Variants in ARHGEF25 observed in about 807,000 individuals in gnomAD.
ARHGEF25 encodes the protein Rho guanine nucleotide exchange factor 25.
ARHGEF25 carries 42 observed loss-of-function variants against 74.0 expected under a neutral mutation model. The ratio of observed to expected loss-of-function variants is 0.57; its 90% CI spans 0.44 to 0.73. The LOEUF (loss-of-function observed/expected upper bound fraction) is 0.73, where lower values mean the gene tolerates loss of function less well. Ranked by LOEUF, ARHGEF25 falls within the 30% of genes least tolerant of loss-of-function variation. ARHGEF25 has a pLI of 0.00. For synonymous variants in ARHGEF25, 293 were observed against 278.6 expected (o/e 1.05, Z -0.51); for missense variants, 645 against 725.5 (o/e 0.89, Z 1.27).
intron 14 of ARHGEF25, 143 bp from the exon 15 acceptor site, chr12:57,616,641 T>A: frequency 1.0e-6 from 1 of 1,002,266 alleles, no homozygotes; most frequent in Non-Finnish European, 1.5e-6. Flanking sequence ...CCCTCTATTT[T>A]AACTCTGGAG....
Position 57,614,093 on chromosome 12 carries a change from C to G in ARHGEF25, c.630C>G (p.Ile210Met). ...RGRDRIVFGNIQQIYEWHRDY... is the reference protein window; with the variant it reads ...RGRDRIVFGNMQQIYEWHRDY... Reference sequence around the variant, plus strand: ...GTGACAGGATTGTGTTTGGGAATATCCAGCAAATCTATGAGTGGCACCGAG... The same window carrying G: ...GTGACAGGATTGTGTTTGGGAATATGCAGCAAATCTATGAGTGGCACCGAG... The change falls in exon 6 of 15, where the codon ATC becomes ATG. Residue 210 changes from isoleucine to methionine, a missense_variant. Physicochemically the swap from Ile to Met is conservative, Grantham distance 10. Transcript: ENST00000286494. This position sits in a 1 kb window ranked among gnomAD's most constrained non-coding sequence, Gnocchi z 4.6. The G allele has an allele frequency of 6.2e-7, 1 of 1,614,050 alleles. No homozygotes were observed. The highest frequency in any genetic ancestry group is 8.5e-7 in the Non-Finnish European group (1 of 1,180,004).
chr12:57,615,632 A>G lies in ARHGEF25; in HGVS notation c.1159A>G (p.Ile387Val). The G allele has an allele frequency of 6.2e-7, 1 of 1,614,116 alleles. No individual in the cohort carries two copies. The highest frequency in any genetic ancestry group is 1.1e-5 in the South Asian group (1 of 91,072). ...RERRVFLFEQ[I>V]IIFSEALGGG... Reference sequence around the variant, plus strand: ...GAGGCGCGTCTTCCTCTTTGAGCAAATCATCATCTTCAGTGAAGCCCTGGG... The same window carrying G: ...GAGGCGCGTCTTCCTCTTTGAGCAAGTCATCATCTTCAGTGAAGCCCTGGG... Residue 387 changes from isoleucine (I) to valine (V), a missense_variant, in exon 12 of 15, where the codon ATC (isoleucine) becomes GTC (valine). This residue lies in a region of ARHGEF25 where 262 missense variants were observed against 256.9 expected (regional missense o/e 1.02). Coordinates refer to ENST00000286494, the MANE Select transcript of ARHGEF25 (RefSeq NM_182947.4).
In ARHGEF25 at chr12:57,615,690, A is replaced by G; in HGVS notation, c.1217A>G (p.Tyr406Cys). 1 of 1,614,146 alleles carries G rather than the reference A, an allele frequency of 6.2e-7. No individual in the cohort carries two copies. The highest frequency in any genetic ancestry group is 8.5e-7 in the Non-Finnish European group (1 of 1,180,016). Residue 406 changes from tyrosine (Y) to cysteine (C), a missense_variant, in exon 12 of 15, where the codon TAT (tyrosine) becomes TGT (cysteine). By Grantham distance (194) the Tyr-to-Cys change is radical. Around this residue, in one of 3 missense-constraint regions of ARHGEF25, gnomAD observed 262 missense variants for 256.9 expected, o/e 1.02. Coordinates refer to ENST00000286494, the MANE Select transcript of ARHGEF25 (RefSeq NM_182947.4). ...GTGAGAGGTGGAACACAGCCTGGAT[A>G]TGTATACAAGAACAGCATTAAGGTG... The part of the protein sequence containing the change: ...GGVRGGTQPG[Y>C]VYKNSIKVSC...
At chr12:57,615,802 G>A (rs751495536) in intron 12 of ARHGEF25, 35 bp from the exon 13 acceptor site, 55 of 1,612,400 alleles carry the variant, frequency 3.4e-5, no homozygotes, top group Admixed American at 8.3e-5. Context: ...GAGGGCCTGA[G>A]GAATCTGGGG....
rs1884297820 is a variant in ARHGEF25, at chr12:57,616,514, C to A, written c.1632+19C>A. On this transcript the variant is annotated intron_variant, in intron 14 of 14. Transcript: ENST00000286494. ...TAAACAGGTATGACGAATAGAGCTC[C>A]CTCATTGTAGGGATAAAAAGGGGAG... 1 of 1,608,862 alleles carries A rather than the reference C, an allele frequency of 6.2e-7. No individual in the cohort carries two copies. Among genetic ancestry groups the A allele is most frequent in the Non-Finnish European group, 8.5e-7 (1 of 1,177,252 alleles).
intron 1 of ARHGEF25, chr12:57,612,694 C>T (rs1884103104): frequency 1.4e-6 from 2 of 1,404,936 alleles, no homozygotes; most frequent in Admixed American, 5.6e-5. Context: ...GGAACCTCCA[C>T]ATGTAACTGG....
chr12:57,616,731 G>A (rs1193912100), intron 14 of ARHGEF25, 53 bp from the exon 15 acceptor site: 1 of 1,308,630 alleles, frequency 7.6e-7, no homozygotes, highest in African/African-American at 1.5e-5. Context: ...AAAGAGAGAA[G>A]TGAGGGTAGA....
At position 57,611,787 on chromosome 12, in the gene ARHGEF25, G is replaced by A. The variant is rs540073741; in HGVS notation, c.-108G>A. ...CTCCCCCCCTCCCACAGCCTGGACC[G>A]GGGTAGGAGGGAGGGGGGGTGTGCG... On this transcript the variant is annotated 5_prime_UTR_variant, in exon 1 of 15. Coordinates refer to ENST00000286494, the MANE Select transcript of ARHGEF25 (RefSeq NM_182947.4). The surrounding 1 kb of genome is among the most constrained non-coding windows in gnomAD (Gnocchi z 4.5). 1.3e-3 allele frequency: 1,490 copies of A among 1,135,182 alleles called. 47 individuals are homozygous for A. In the East Asian group the frequency reaches 0.047, roughly 35 times the overall value. The allele number at this position is 1,135,182 out of a possible 1,614,324, so 70.3% of individuals were successfully genotyped here. A position where few individuals can be genotyped will look rare whatever the true frequency, so the allele number is the denominator to read the frequency against.
At chr12:57,613,795 C>G (rs1251258128) in intron 5 of ARHGEF25, 35 bp downstream of exon 5, 1 of 1,609,242 alleles carries the variant, frequency 6.2e-7, no homozygotes, top group East Asian at 2.2e-5. Flanking sequence ...CCCCTCCTGC[C>G]TGCTTTTCCA....
Position 57,611,482 on chromosome 12 carries a change from G to C in ARHGEF25, c.-413G>C. ...GACCCGCACAGCGCCAGTGGCTCGGGGGTCGGCCCTCGCCTCCTCCCCGGC... is the reference window on the plus strand; with the variant it reads ...GACCCGCACAGCGCCAGTGGCTCGGCGGTCGGCCCTCGCCTCCTCCCCGGC... On this transcript the variant is annotated 5_prime_UTR_variant, in exon 1 of 15. Coordinates refer to ENST00000286494, the MANE Select transcript of ARHGEF25 (RefSeq NM_182947.4). This position sits in a 1 kb window ranked among gnomAD's most constrained non-coding sequence, Gnocchi z 4.5. 1.0e-6 allele frequency: 1 copy of C among 985,608 alleles called. No homozygotes were observed. Among genetic ancestry groups the C allele is most frequent in the Non-Finnish European group, 1.2e-6 (1 of 830,170 alleles). The allele number at this position is 985,608 out of a possible 1,614,324, so 61.1% of individuals were successfully genotyped here. A position where few individuals can be genotyped will look rare whatever the true frequency, so the allele number is the denominator to read the frequency against.
At position 57,612,685 on chromosome 12, in the gene ARHGEF25, GA is replaced by G; in HGVS notation, c.98-243del. The G allele has an allele frequency of 3.6e-6, 5 of 1,381,002 alleles. No homozygotes were observed. The South Asian group carries it at 8.7e-5, about 24-fold the overall frequency. 85.5% of individuals were successfully genotyped at this position (1,381,002 alleles called of 1,614,324 possible). On this transcript the variant is annotated intron_variant, in intron 1 of 14. Coordinates refer to ENST00000286494, the MANE Select transcript of ARHGEF25 (RefSeq NM_182947.4). Reference sequence around the variant, plus strand: ...ATCTATGCTATGCTCAGGATATGGGGAACCTCCACATGTAACTGGGGGTTCC... The same window carrying G: ...ATCTATGCTATGCTCAGGATATGGGGACCTCCACATGTAACTGGGGGTTCC...
At chr12:57,610,575 A>G (rs1389268481), upstream of ARHGEF25, 4 of 1,608,610 alleles carry the variant, frequency 2.5e-6, no homozygotes, top group Middle Eastern at 1.7e-4. Context: ...CGCAGCCCCC[A>G]AGGAGAAGCC....
rs202200912 is a variant in ARHGEF25 at position 57,614,164 on chromosome 12, C to T, written c.656+45C>T. On this transcript the variant is annotated intron_variant, in intron 6 of 14. Coordinates refer to ENST00000286494, the MANE Select transcript of ARHGEF25 (RefSeq NM_182947.4). This position sits in a 1 kb window ranked among gnomAD's most constrained non-coding sequence, Gnocchi z 4.6. ...CAGCTAGGTGCTGGAGAGGGGCCCT[C>T]ATCTGGTTGTCCTGTATCCTAACAT... The T allele has an allele frequency of 1.1e-5, 18 of 1,605,414 alleles. No homozygotes were observed. In the Admixed American group the frequency reaches 2.8e-4, roughly 25 times the overall value.
chr12:57,614,998 T>C lies in ARHGEF25; in HGVS notation c.941T>C (p.Met314Thr), dbSNP rs1394611832. 1 of 1,614,156 alleles carries C rather than the reference T, an allele frequency of 6.2e-7. No individual in the cohort carries two copies. Among genetic ancestry groups the C allele is most frequent in the Non-Finnish European group, 8.5e-7 (1 of 1,180,006 alleles). The change falls in exon 10 of 15, where the codon ATG (methionine) becomes ACG (threonine). Residue 314 changes from methionine to threonine, a missense_variant. Around this residue, in one of 3 missense-constraint regions of ARHGEF25, gnomAD observed 194 missense variants for 269.4 expected, o/e 0.72. Transcript: ENST00000286494. This position sits in a 1 kb window ranked among gnomAD's most constrained non-coding sequence, Gnocchi z 4.6. ...CTCAAGTATTACAATAGAGCTGGGA[T>C]GGATACTGCAGACCTAGAGGTGAGG... ...DFLKYYNRAGMDTADLEQAVE... is the reference protein window; with the variant it reads ...DFLKYYNRAGTDTADLEQAVE...
Position 57,615,852 on chromosome 12 carries a change from C to G in ARHGEF25, c.1255C>G (p.Leu419Val). ...GCCAATTCAGGTGAGCTGCCTGGGA[C>G]TGGAGGGGAACCTCCAAGGTGACCC... Reference protein sequence around the residue: ...KNSIKVSCLGLEGNLQGDPCR... With the variant: ...KNSIKVSCLGVEGNLQGDPCR... Residue 419 changes from leucine (L) to valine (V), a missense_variant, in exon 13 of 15, where the codon CTG (leucine) becomes GTG (valine). This residue lies in a region of ARHGEF25 where 262 missense variants were observed against 256.9 expected (regional missense o/e 1.02). Transcript: ENST00000286494. 1 of 1,613,856 alleles carries G rather than the reference C, an allele frequency of 6.2e-7. No homozygotes were observed. Among genetic ancestry groups the G allele is most frequent in the South Asian group, 1.1e-5 (1 of 91,048 alleles).
At position 57,614,691 on chromosome 12, in the gene ARHGEF25, G is replaced by T; in HGVS notation, c.819G>T (p.Glu273Asp). The T allele has an allele frequency of 2.5e-6, 4 of 1,613,622 alleles. No individual in the cohort carries two copies. Among genetic ancestry groups the T allele is most frequent in the Middle Eastern group, 1.7e-4 (1 of 6,060 alleles). Residue 273 changes from glutamate to aspartate, a missense_variant and splice_region_variant, in exon 9 of 15, where the codon GAG becomes GAT. Transcript: ENST00000286494. This position sits in a 1 kb window ranked among gnomAD's most constrained non-coding sequence, Gnocchi z 4.6. ...AACCACCCTGTCCCTGTCCCCAGGAGCTCCGGCAGCAGCTGGGGCACCGCC... is the reference window on the plus strand; with the variant it reads ...AACCACCCTGTCCCTGTCCCCAGGATCTCCGGCAGCAGCTGGGGCACCGCC... ...VSEFGDSYFE[E>D]LRQQLGHRLQ...
chr12:57,610,632 A>G (rs1884001038), upstream of ARHGEF25: 1 of 1,612,178 alleles, frequency 6.2e-7, no homozygotes, highest in Non-Finnish European at 8.5e-7. Flanking sequence ...GTACGGAGGG[A>G]GATCACAGAA....
chr12:57,614,309 G>A lies in ARHGEF25; in HGVS notation c.657-22G>A. On this transcript the variant is annotated intron_variant, in intron 6 of 14. Transcript: ENST00000286494. The surrounding 1 kb of genome is among the most constrained non-coding windows in gnomAD (Gnocchi z 4.6). Reference sequence around the variant, plus strand: ...GGTTGTGAAATGTATTTGACCTGCTGCTTCTCTACCAACCCCTCCAGCTAT... The same window carrying A: ...GGTTGTGAAATGTATTTGACCTGCTACTTCTCTACCAACCCCTCCAGCTAT... 1.2e-6 allele frequency: 2 copies of A among 1,613,924 alleles called. No homozygotes were observed. Among genetic ancestry groups the A allele is most frequent in the Non-Finnish European group, 1.7e-6 (2 of 1,179,820 alleles).
At position 57,614,698 on chromosome 12, in the gene ARHGEF25, C is replaced by T; in HGVS notation, c.826C>T (p.Gln276Ter). ...FGDSYFEELR[Q>*]QLGHRLQLND... Reference sequence around the variant, plus strand: ...CTGTCCCTGTCCCCAGGAGCTCCGGCAGCAGCTGGGGCACCGCCTGCAGCT... The same window carrying T: ...CTGTCCCTGTCCCCAGGAGCTCCGGTAGCAGCTGGGGCACCGCCTGCAGCT... The change falls in exon 9 of 15, where the codon CAG becomes TAG. Residue 276 changes from glutamine to a stop codon, truncating the protein, a stop_gained. Transcript: ENST00000286494. LOFTEE classifies it high-confidence loss of function. The surrounding 1 kb of genome is among the most constrained non-coding windows in gnomAD (Gnocchi z 4.6). The T allele has an allele frequency of 6.2e-7, 1 of 1,613,580 alleles. No individual in the cohort carries two copies. Among genetic ancestry groups the T allele is most frequent in the Non-Finnish European group, 8.5e-7 (1 of 1,179,878 alleles).
Sources: allele counts gnomAD v4.1 joint callset, GRCh38; gene constraint gnomAD v4.1.1; regional missense constraint gnomAD v4.1.1; non-coding constraint Gnocchi (gnomAD v3.1); transcripts MANE v1.5; gene names NCBI Gene and HGNC (gene_info 2026-07-23, HGNC 2026-07-21).